The following RALGAPA1 variants were observed in gnomAD, a reference collection of about 807,000 sequenced individuals.
The protein encoded by RALGAPA1 is Ral GTPase activating protein catalytic subunit alpha 1.
RALGAPA1 carries 52 observed loss-of-function variants against 269.6 expected under a neutral mutation model. That is an observed-to-expected ratio of 0.19 (90% CI 0.15 to 0.24). RALGAPA1 has a LOEUF of 0.24. Among genes scored for constraint, RALGAPA1 ranks in the 10% least tolerant of loss-of-function variants. The pLI is 1.00. For missense variants in RALGAPA1, 1,917 were observed against 3,013.9 expected (o/e 0.64, Z 8.52); for synonymous variants, 817 against 1,008.3 (o/e 0.81, Z 3.60).
At chr14:35,726,633 T>C (rs1414088618) in intron 13 of RALGAPA1, among the ~76,000 whole-genome samples, 1 of 152,082 alleles carries the variant, frequency 6.6e-6, no homozygotes, top group Non-Finnish European at 1.5e-5. Flanking sequence ...TATATAAAAA[T>C]TCAATGTAAA....
intron 28 of RALGAPA1, 78 bp downstream of exon 28, chr14:35,659,060 G>A: frequency 1.0e-6 from 1 of 966,640 alleles, no homozygotes. Context: ...AACAATCTGG[G>A]CTGCTATAAA....
At position 35,550,834 on chromosome 14, in the gene RALGAPA1, T is replaced by C. The variant is rs527747594; in HGVS notation, c.7497-1600A>G. On this transcript the variant is annotated intron_variant, in intron 39 of 41. Transcript: ENST00000680220. ...ATTTTACTTTTGAGGTGGGAAGCAA[T>C]AGGACAAGATGCATATTAAAATGAT... Among the ~76,000 whole-genome samples, 58 of 152,176 alleles carry C rather than the reference T, an allele frequency of 3.8e-4. 1 individual carries two copies. In the South Asian group the frequency reaches 9.1e-3, roughly 24 times the overall value.
intron 31 of RALGAPA1, among the ~76,000 whole-genome samples, chr14:35,638,486 T>TA (rs529723427): frequency 6.7e-6 from 1 of 150,294 alleles, no homozygotes; most frequent in Non-Finnish European, 1.5e-5. Flanking sequence ...ATAAAAAAAA[T>TA]AAAAAGCAAG....
At chr14:35,799,736 C>T (rs2076841642) in intron 1 of RALGAPA1, among the ~76,000 whole-genome samples, 1 of 152,032 alleles carries the variant, frequency 6.6e-6, no homozygotes, top group South Asian at 2.1e-4. Flanking sequence ...ATGACAAACT[C>T]AAACCTAACC....
intron 12 of RALGAPA1, among the ~76,000 whole-genome samples, chr14:35,737,108 A>G (rs1198446072): frequency 3.3e-5 from 5 of 152,146 alleles, no homozygotes; most frequent in Non-Finnish European, 7.4e-5. Context: ...CAACACCCAA[A>G]ATAATGGAAA....
intron 12 of RALGAPA1, 70 bp downstream of exon 12, chr14:35,738,443 T>C: frequency 8.5e-7 from 1 of 1,178,128 alleles, no homozygotes; most frequent in Non-Finnish European, 1.2e-6. Context: ...AAGTATACTG[T>C]ATACTGAAAT....
chr14:35,752,859 A>G (rs1021020352), intron 7 of RALGAPA1, among the ~76,000 whole-genome samples: 2 of 152,178 alleles, frequency 1.3e-5, no homozygotes, highest in Admixed American at 6.6e-5. Context: ...AAGTATATAT[A>G]CTAAGAATAA....
chr14:35,638,948 A>G (rs1025888480), intron 31 of RALGAPA1, among the ~76,000 whole-genome samples: 1 of 152,094 alleles, frequency 6.6e-6, no homozygotes, highest in Non-Finnish European at 1.5e-5. Context: ...AGAAAAAAAA[A>G]GAATAAAAAA....
chr14:35,641,182 C>T (rs1420009540), intron 31 of RALGAPA1, among the ~76,000 whole-genome samples: 3 of 152,078 alleles, frequency 2.0e-5, no homozygotes, highest in Non-Finnish European at 4.4e-5. Context: ...AGATCTAGAA[C>T]AAGACAAAGG....
chr14:35,539,813 G>C, intron 41 of RALGAPA1, 123 bp from the exon 42 acceptor site: 1 of 1,411,950 alleles, frequency 7.1e-7, no homozygotes. Flanking sequence ...GAGGGAAAAA[G>C]CAAGCCCCAA....
chr14:35,756,703 C>T, intron 7 of RALGAPA1, 90 bp downstream of exon 7: 4 of 929,870 alleles, frequency 4.3e-6, no homozygotes, highest in Non-Finnish European at 6.4e-6. Flanking sequence ...AAGCAAATAT[C>T]TACTATGACA....
intron 1 of RALGAPA1, among the ~76,000 whole-genome samples, chr14:35,786,208 G>C (rs1055887151): frequency 2.0e-5 from 3 of 152,094 alleles, no homozygotes; most frequent in Admixed American, 2.0e-4. Flanking sequence ...TCAGTGTGTA[G>C]GCTGAACAGC....
chr14:35,792,055 C>T (rs553603402), intron 1 of RALGAPA1, among the ~76,000 whole-genome samples: 2 of 151,980 alleles, frequency 1.3e-5, no homozygotes, highest in South Asian at 4.1e-4. Flanking sequence ...AAAAGGGAGG[C>T]TAGGATCAGA....
intron 30 of RALGAPA1, among the ~76,000 whole-genome samples, chr14:35,653,559 A>G (rs2062983753): frequency 6.6e-6 from 1 of 152,204 alleles, no homozygotes. Flanking sequence ...CATGATTCTT[A>G]AAAAACCAGT....
At chr14:35,569,736 C>G (rs1488090169) in intron 39 of RALGAPA1, among the ~76,000 whole-genome samples, 2 of 152,104 alleles carry the variant, frequency 1.3e-5, no homozygotes, top group African/African-American at 4.8e-5. Flanking sequence ...CTCACTGTTT[C>G]AGAAGTGTTT....
At chr14:35,561,803 A>T (rs946037493) in intron 39 of RALGAPA1, among the ~76,000 whole-genome samples, 2 of 151,974 alleles carry the variant, frequency 1.3e-5, no homozygotes, top group African/African-American at 2.4e-5. Context: ...TACCTGTAAT[A>T]CCTAGTTACA....
intron 1 of RALGAPA1, among the ~76,000 whole-genome samples, chr14:35,795,488 G>T (rs901197159): frequency 6.6e-6 from 1 of 152,138 alleles, no homozygotes; most frequent in East Asian, 1.9e-4. Flanking sequence ...AAGAGTGCTT[G>T]TTCCCAAAAG....
rs78780194 is a variant in RALGAPA1 at position 35,625,660 on chromosome 14, A to G, written c.6858-228T>C. Among the ~76,000 whole-genome samples the G allele has an allele frequency of 1.2e-3, 179 of 152,330 alleles. 1 individual carries two copies. In the East Asian group the frequency reaches 0.032, roughly 27 times the overall value. Reference sequence around the variant, plus strand: ...TGGATCATATCAATTGGCCACTTGAATCTTTCCTTGCAGATGTTGTGAGCC... The same window carrying G: ...TGGATCATATCAATTGGCCACTTGAGTCTTTCCTTGCAGATGTTGTGAGCC... On this transcript the variant is annotated intron_variant, in intron 34 of 41. Transcript: ENST00000680220.
intron 33 of RALGAPA1, 46 bp downstream of exon 33, chr14:35,634,528 G>T (rs2061550618): frequency 6.7e-7 from 1 of 1,500,770 alleles, no homozygotes; most frequent in South Asian, 1.4e-5. Flanking sequence ...GTTATACCTT[G>T]AGAGAACCCA....
Sources: allele counts gnomAD v4.1 joint callset (sites outside exome capture counted in the v4.1 genomes callset), GRCh38; gene constraint gnomAD v4.1.1; transcripts MANE v1.5; gene names NCBI Gene and HGNC (gene_info 2026-07-23, HGNC 2026-07-21).